Variants in COL21A1 observed in about 807,000 individuals in gnomAD.
COL21A1 encodes collagen alpha-1(XXI) chain.
Under a neutral mutation model 137.9 loss-of-function variants are expected in COL21A1, and 149 were observed. The observed-to-expected ratio is 1.08, with a 90% CI of 0.95 to 1.24. The LOEUF is 1.24. Among genes scored for constraint, COL21A1 ranks in the 50% most tolerant of loss-of-function variants. COL21A1 has a pLI of 0.00. For synonymous variants in COL21A1, 456 were observed against 391.5 expected (o/e 1.16, Z -1.95); for missense variants, 1,167 against 1,158.4 (o/e 1.01, Z -0.11).
At position 56,170,860 on chromosome 6, in the gene COL21A1, A is replaced by G; in HGVS notation, c.815T>C (p.Val272Ala). 4 of 1,608,412 alleles carry G rather than the reference A, an allele frequency of 2.5e-6. No individual in the cohort carries two copies. The highest frequency in any genetic ancestry group is 3.4e-6 in the Non-Finnish European group (4 of 1,176,886). Residue 272 changes from valine (V) to alanine (A), a missense_variant, in exon 5 of 30, where the codon GTT becomes GCT. Transcript: ENST00000244728. ...TGATGGAGGAAGACCTTCTGGGAAAACATTGCTAGAAAAAGAAGAGCAAGT... is the reference window on the plus strand; with the variant it reads ...TGATGGAGGAAGACCTTCTGGGAAAGCATTGCTAGAAAAAGAAGAGCAAGT... ...KVDLSELTSN[V>A]FPEGLPPSYV...
chr6:56,083,796 A>C (rs957397386), intron 17 of COL21A1, among the ~76,000 whole-genome samples: 2 of 152,058 alleles, frequency 1.3e-5, no homozygotes, highest in Non-Finnish European at 2.9e-5. Flanking sequence ...TGGACTTACT[A>C]TAAGGCTAGT....
At chr6:56,271,088 CAGA>C (rs1277607843) in intron 1 of COL21A1, among the ~76,000 whole-genome samples, 3 of 152,128 alleles carry the variant, frequency 2.0e-5, no homozygotes, top group Non-Finnish European at 2.9e-5. Context: ...TTGGATGGCG[CAGA>C]AGAAGACAGT....
chr6:56,220,562 T>C (rs1016959766), intron 1 of COL21A1, among the ~76,000 whole-genome samples: 3 of 152,144 alleles, frequency 2.0e-5, no homozygotes, highest in Non-Finnish European at 2.9e-5. Context: ...TCTGTATAAC[T>C]AAGAAAGATG....
chr6:56,317,980 C>A (rs542573578), intron 1 of COL21A1, among the ~76,000 whole-genome samples: 108 of 152,248 alleles, frequency 7.1e-4, no homozygotes, highest in African/African-American at 2.6e-3. Flanking sequence ...CAAGACAGTT[C>A]AAGGATATGC....
intron 1 of COL21A1, among the ~76,000 whole-genome samples, chr6:56,324,102 C>T (rs1764942448): frequency 6.6e-6 from 1 of 152,052 alleles, no homozygotes; most frequent in South Asian, 2.1e-4. Flanking sequence ...AAAAGTATGG[C>T]ACAGAGATCA....
At chr6:56,348,812 TA>T (rs1765647706) in intron 1 of COL21A1, among the ~76,000 whole-genome samples, 1 of 152,234 alleles carries the variant, frequency 6.6e-6, no homozygotes, top group African/African-American at 2.4e-5. Context: ...TTCCCAATCC[TA>T]TATAAGTGGA....
rs1380376432 is a variant in COL21A1 at position 56,170,825 on chromosome 6, C to T, written c.850G>A (p.Val284Met). The change falls in exon 5 of 30, where the codon GTG becomes ATG. Residue 284 changes from valine to methionine, a missense_variant. Val to Met is a conservative substitution (Grantham distance 21). Transcript: ENST00000244728. ...PEGLPPSYVF[V>M]STQRFKVKKI... ...TTGACTTTAAATCTTTGAGTAGACA[C>T]AAATACATATGATGGAGGAAGACCT... 1.9e-6 allele frequency: 3 copies of T among 1,610,972 alleles called. No homozygotes were observed. In the South Asian group the frequency reaches 3.3e-5, roughly 18 times the overall value.
At chr6:56,213,624 A>C (rs1780314020) in intron 1 of COL21A1, among the ~76,000 whole-genome samples, 1 of 152,108 alleles carries the variant, frequency 6.6e-6, no homozygotes, top group South Asian at 2.1e-4. Context: ...AATAAGTATC[A>C]AGCACATACA....
At chr6:56,130,734 T>C (rs1773493969) in intron 12 of COL21A1, among the ~76,000 whole-genome samples, 1 of 152,054 alleles carries the variant, frequency 6.6e-6, no homozygotes. Context: ...AAAGGTGTAG[T>C]ATTCATGTTA....
At chr6:56,168,416 T>C (rs985513474) in intron 5 of COL21A1, 119 bp from the exon 6 acceptor site, 2 of 707,474 alleles carry the variant, frequency 2.8e-6, no homozygotes, top group Admixed American at 7.3e-5. Flanking sequence ...ACAGACTGAC[T>C]GTATTATACA....
chr6:56,232,275 T>C (rs1781617617), intron 1 of COL21A1, among the ~76,000 whole-genome samples: 1 of 151,882 alleles, frequency 6.6e-6, no homozygotes, highest in Non-Finnish European at 1.5e-5. Flanking sequence ...ATCATTCTAA[T>C]TAGTAAATAT....
intron 17 of COL21A1, among the ~76,000 whole-genome samples, chr6:56,097,559 A>C (rs1342055360): frequency 6.6e-6 from 1 of 151,272 alleles, no homozygotes; most frequent in Non-Finnish European, 1.5e-5. Flanking sequence ...AATGGTTAAA[A>C]TCTAAAGGGC....
chr6:56,231,378 A>G (rs1781544433), intron 1 of COL21A1, among the ~76,000 whole-genome samples: 1 of 151,844 alleles, frequency 6.6e-6, no homozygotes, highest in Non-Finnish European at 1.5e-5. Context: ...GTGATGAGTC[A>G]CAATATTCAG....
intron 7 of COL21A1, among the ~76,000 whole-genome samples, chr6:56,166,350 C>T (rs1015146834): frequency 3.3e-5 from 5 of 152,012 alleles, no homozygotes; most frequent in Admixed American, 2.0e-4. Flanking sequence ...TAGTCATAGA[C>T]GACGGGGAAA....
chr6:56,059,603 A>G (rs551144447), intron 28 of COL21A1, among the ~76,000 whole-genome samples: 1 of 152,306 alleles, frequency 6.6e-6, no homozygotes, highest in East Asian at 1.9e-4. Flanking sequence ...ATTCAAAGGC[A>G]AGGAGAAATT....
At chr6:56,131,364 G>A (rs534082285) in intron 12 of COL21A1, among the ~76,000 whole-genome samples, 11 of 150,456 alleles carry the variant, frequency 7.3e-5, no homozygotes, top group Admixed American at 5.3e-4. Context: ...AAATATATGC[G>A]CTCACAAAAT....
intron 1 of COL21A1, among the ~76,000 whole-genome samples, chr6:56,193,131 C>T (rs1279162250): frequency 6.6e-6 from 1 of 151,766 alleles, no homozygotes; most frequent in Non-Finnish European, 1.5e-5. Context: ...ACACATGGAC[C>T]CAGGGAGGGT....
intron 1 of COL21A1, among the ~76,000 whole-genome samples, chr6:56,278,509 A>G (rs185782043): frequency 3.0e-4 from 46 of 152,326 alleles, no homozygotes; most frequent in African/African-American, 1.1e-3. Flanking sequence ...CAAATGAGCT[A>G]AAGTCTTCAT....
At chr6:56,190,255 G>A (rs1778572136) in intron 1 of COL21A1, among the ~76,000 whole-genome samples, 1 of 151,884 alleles carries the variant, frequency 6.6e-6, no homozygotes, top group Non-Finnish European at 1.5e-5. Flanking sequence ...ATGATATAGG[G>A]GATATCACCA....
Sources: allele counts gnomAD v4.1 joint callset (sites outside exome capture counted in the v4.1 genomes callset), GRCh38; gene constraint gnomAD v4.1.1; transcripts MANE v1.5; gene names NCBI Gene and HGNC (gene_info 2026-07-23, HGNC 2026-07-21).